The following BANP variants were observed in gnomAD, a reference collection of about 807,000 sequenced individuals.
BANP encodes BTG3 associated nuclear protein, also known as protein BANP.
Under a neutral mutation model 68.1 loss-of-function variants are expected in BANP, and 11 were observed. The ratio of observed to expected loss-of-function variants is 0.16; its 90% confidence interval spans 0.10 to 0.27. The LOEUF (loss-of-function observed/expected upper bound fraction) is 0.27, where lower values mean the gene tolerates loss of function less well. Ranked by LOEUF, BANP falls within the 10% of genes least tolerant of loss-of-function variation. BANP has a pLI of 1.00. For missense variants in BANP, 504 were observed against 722.7 expected (o/e 0.70, Z 3.47); for synonymous variants, 329 against 303.2 (o/e 1.09, Z -0.88).
chr16:87,975,331 A>C lies in BANP; in HGVS notation c.70+146A>C, dbSNP rs995661967. On this transcript the variant is annotated intron_variant, in intron 2 of 13. Transcript: ENST00000682872. ...AAGTTTGAATCCTAGAGATGTGAAC[A>C]CTGTCGGCCCCTCCCTTCCCTCGCC... The C allele has an allele frequency of 8.8e-6, 7 of 792,156 alleles. No individual in the cohort carries two copies. The African/African-American group carries it at 1.2e-4, about 14-fold the overall frequency. The allele number at this position is 792,156 out of a possible 1,614,324, so 49.1% of individuals were successfully genotyped here.
chr16:88,072,933 G>A (rs2090723751), intron 13 of BANP, among the ~76,000 whole-genome samples: 1 of 152,262 alleles, frequency 6.6e-6, no homozygotes, highest in South Asian at 2.1e-4. Flanking sequence ...CTGCTGCCCA[G>A]CCCTTCTGGA....
At chr16:88,046,952 G>C (rs1046602443) in intron 11 of BANP, among the ~76,000 whole-genome samples, 27 of 151,896 alleles carry the variant, frequency 1.8e-4, no homozygotes, top group Non-Finnish European at 3.1e-4. Flanking sequence ...TGTACTCCCA[G>C]CTACTCGGGA....
At chr16:87,972,865 G>T (rs1212233152) in intron 1 of BANP, among the ~76,000 whole-genome samples, 1 of 152,164 alleles carries the variant, frequency 6.6e-6, no homozygotes, top group Non-Finnish European at 1.5e-5. Flanking sequence ...TTTTGAGAGG[G>T]CTTGGGGTCC....
intron 4 of BANP, among the ~76,000 whole-genome samples, chr16:87,991,579 A>G (rs1173595246): frequency 3.3e-5 from 5 of 152,224 alleles, no homozygotes; most frequent in Admixed American, 6.5e-5. Flanking sequence ...TAGCAATGTT[A>G]TACAGTTTTC....
intron 7 of BANP, among the ~76,000 whole-genome samples, chr16:88,026,102 A>T (rs536531148): frequency 9.8e-5 from 15 of 152,292 alleles, no homozygotes; most frequent in African/African-American, 3.6e-4. Flanking sequence ...AATACAGGGC[A>T]TCTCTGGATG....
intron 1 of BANP, among the ~76,000 whole-genome samples, chr16:87,960,434 A>G (rs2144890959): frequency 6.6e-6 from 1 of 152,300 alleles, no homozygotes; most frequent in South Asian, 2.1e-4. Flanking sequence ...GGTGGGGCAC[A>G]TCGTGTATTG....
chr16:87,961,917 G>C (rs778739557), intron 1 of BANP, among the ~76,000 whole-genome samples: 2 of 152,122 alleles, frequency 1.3e-5, no homozygotes, highest in African/African-American at 2.4e-5. Flanking sequence ...CCTGGACCTT[G>C]GACTTCTCAG....
chr16:88,049,217 C>T (rs1189139423), intron 11 of BANP, among the ~76,000 whole-genome samples: 3 of 152,206 alleles, frequency 2.0e-5, no homozygotes, highest in Non-Finnish European at 2.9e-5. Flanking sequence ...CAACCGGCTT[C>T]AGGTTGGGCT....
intron 11 of BANP, among the ~76,000 whole-genome samples, chr16:88,059,489 C>G (rs1042708740): frequency 2.0e-5 from 3 of 152,080 alleles, no homozygotes; most frequent in Admixed American, 6.5e-5. Flanking sequence ...CAATTAAGCC[C>G]AAGTTCACAG....
chr16:87,975,335 T>A, intron 2 of BANP, 150 bp downstream of exon 2: 2 of 772,264 alleles, frequency 2.6e-6, no homozygotes, highest in Non-Finnish European at 4.3e-6. Context: ...GTGAACACTG[T>A]CGGCCCCTCC....
intron 11 of BANP, among the ~76,000 whole-genome samples, chr16:88,047,388 C>T (rs978329212): frequency 6.6e-6 from 1 of 152,192 alleles, no homozygotes; most frequent in South Asian, 2.1e-4. Context: ...TATTTTCATG[C>T]ACGTCAGTGA....
chr16:88,008,020 C>T (rs1249877537), intron 6 of BANP, among the ~76,000 whole-genome samples: 4 of 152,184 alleles, frequency 2.6e-5, no homozygotes, highest in Non-Finnish European at 4.4e-5. Context: ...TGCCCATCAA[C>T]AGTCACTTTC....
At chr16:88,001,303 C>T (rs577540548) in intron 4 of BANP, among the ~76,000 whole-genome samples, 1 of 106,804 alleles carries the variant, frequency 9.4e-6, no homozygotes, top group Non-Finnish European at 1.9e-5. Flanking sequence ...CACGCACGTG[C>T]GCGGCTAGAC....
intron 1 of BANP, among the ~76,000 whole-genome samples, chr16:87,965,796 G>T (rs4843284): frequency 0.35 from 52,660 of 152,128 alleles, 10,416 homozygotes; most frequent in Non-Finnish European, 0.47. Flanking sequence ...AGTTGGCCTT[G>T]CCTGTAGACA....
Position 87,998,726 on chromosome 16 carries a change from G to A in BANP, c.363-5569G>A, listed in dbSNP as rs541649050. ...TCCAGACGTGTCTCCATGCACGCACGTGCGCGGCTGTACTTGCCTGTCTTT... is the reference window on the plus strand; with the variant it reads ...TCCAGACGTGTCTCCATGCACGCACATGCGCGGCTGTACTTGCCTGTCTTT... On this transcript the variant is annotated intron_variant, in intron 4 of 13. Transcript: ENST00000682872. 6.9e-5 allele frequency among the ~76,000 whole-genome samples: 10 copies of A among 145,288 alleles called. 1 individual carries two copies. The South Asian group carries it at 2.2e-3, about 33-fold the overall frequency.
intron 1 of BANP, among the ~76,000 whole-genome samples, chr16:87,973,768 A>AAAAG (rs112573371): frequency 1.9e-5 from 2 of 104,948 alleles, no homozygotes; most frequent in African/African-American, 6.2e-5. Flanking sequence ...AAAAAAAAAA[A>AAAAG]AAAAAAGAAA....
chr16:88,013,674 G>A (rs1289529809), intron 6 of BANP, among the ~76,000 whole-genome samples: 1 of 152,190 alleles, frequency 6.6e-6, no homozygotes, highest in Non-Finnish European at 1.5e-5. Flanking sequence ...ATCCTTTATG[G>A]TCTCTACACA....
chr16:87,953,398 A>G (rs2057379252), intron 1 of BANP, among the ~76,000 whole-genome samples: 1 of 152,052 alleles, frequency 6.6e-6, no homozygotes, highest in South Asian at 2.1e-4. Context: ...TTCTTGAGAT[A>G]GGATCCCCTG....
chr16:87,976,303 C>G (rs1316325161), intron 2 of BANP, among the ~76,000 whole-genome samples: 1 of 152,134 alleles, frequency 6.6e-6, no homozygotes, highest in African/African-American at 2.4e-5. Flanking sequence ...TTTTTCTACA[C>G]CTTTGCTAAG....
Sources: allele counts gnomAD v4.1 joint callset (sites outside exome capture counted in the v4.1 genomes callset), GRCh38; gene constraint gnomAD v4.1.1; transcripts MANE v1.5; gene names NCBI Gene and HGNC (gene_info 2026-07-23, HGNC 2026-07-21).